The following EIF4H variants were observed in gnomAD, a reference collection of about 807,000 sequenced individuals.
EIF4H encodes the protein eukaryotic translation initiation factor 4H, also known as Williams-Beuren syndrome chromosome region 1.
Under a neutral mutation model 30.6 loss-of-function variants are expected in EIF4H, and 8 were observed. That is an observed-to-expected ratio of 0.26 (90% CI 0.15 to 0.47). The LOEUF (loss-of-function observed/expected upper bound fraction) is 0.47. EIF4H is among the 20% of genes least tolerant of loss of function. EIF4H has a pLI of 0.99. For missense variants in EIF4H, 188 were observed against 339.5 expected, an observed-to-expected ratio of 0.55 and a Z score of 3.51; for synonymous variants, 106 against 122.7, an observed-to-expected ratio of 0.86 and a Z score of 0.90.
At chr7:74,183,734 T>G (rs1801016479) in intron 1 of EIF4H, 2 of 152,170 alleles carry the variant, frequency 1.3e-5, no homozygotes, top group South Asian at 4.1e-4. Flanking sequence ...AACAGATCTG[T>G]GTCATCCTAT....
At chr7:74,184,717 GTTTT>G (rs1405039858) in intron 1 of EIF4H, among the ~76,000 whole-genome samples, 2 of 151,594 alleles carry the variant, frequency 1.3e-5, no homozygotes, top group African/African-American at 4.8e-5. Context: ...TTTTGTTTTT[GTTTT>G]TTTGAGATGG....
intron 1 of EIF4H, among the ~76,000 whole-genome samples, chr7:74,175,608 A>G (rs955536425): frequency 2.6e-5 from 4 of 152,264 alleles, no homozygotes; most frequent in Non-Finnish European, 5.9e-5. Flanking sequence ...TCCAAAGAAC[A>G]TTTTATTTGC....
At chr7:74,186,788 A>ATT (rs564794579) in intron 1 of EIF4H, among the ~76,000 whole-genome samples, 37 of 70,086 alleles carry the variant, frequency 5.3e-4, no homozygotes, top group Non-Finnish European at 6.4e-4. Flanking sequence ...ACAAGGAGAA[A>ATT]TTTTTTTTTT....
chr7:74,176,035 G>C lies in EIF4H; in HGVS notation c.59+1593G>C, dbSNP rs115030398. On this transcript the variant is annotated intron_variant, in intron 1 of 6. Transcript: ENST00000265753. ...CCCAGGTGTACTCCAAAAACTGATA[G>C]GAGAGTTTCCTAGGTAGCACTGTGC... Among the ~76,000 whole-genome samples, 498 of 152,196 alleles carry C rather than the reference G, an allele frequency of 3.3e-3. 6 individuals are homozygous for C. Among genetic ancestry groups the C allele is most frequent in the African/African-American group, 0.01 (419 of 41,508 alleles).
At chr7:74,194,676 TTATTC>T (rs1801299963) in intron 5 of EIF4H, 60 bp from the exon 6 acceptor site, 2 of 1,479,298 alleles carry the variant, frequency 1.4e-6, no homozygotes, top group Non-Finnish European at 1.8e-6. Context: ...TCCCAGAACA[TTATTC>T]TATAAGCAGC....
At chr7:74,181,979 T>A (rs1800972920) in intron 1 of EIF4H, among the ~76,000 whole-genome samples, 2 of 152,144 alleles carry the variant, frequency 1.3e-5, no homozygotes, top group Admixed American at 1.3e-4. Context: ...CCTCCCAAAG[T>A]GCTGGGATTA....
At chr7:74,186,929 G>T (rs1801097563) in intron 1 of EIF4H, among the ~76,000 whole-genome samples, 1 of 147,752 alleles carries the variant, frequency 6.8e-6, no homozygotes, top group Admixed American at 7.0e-5. Context: ...AGCGGTAGGA[G>T]AAATAATTCT....
chr7:74,192,377 G>A (rs1554710086), intron 5 of EIF4H, among the ~76,000 whole-genome samples: 1 of 152,142 alleles, frequency 6.6e-6, no homozygotes, highest in Admixed American at 6.6e-5. Context: ...CTAAAGCAGT[G>A]CTCTTATTGG....
At chr7:74,187,475 C>T in intron 1 of EIF4H, 136 bp from the exon 2 acceptor site, 1 of 867,154 alleles carries the variant, frequency 1.2e-6, no homozygotes, top group Non-Finnish European at 1.6e-6. Flanking sequence ...CAGCCATTCT[C>T]TGTAACAGTC....
In EIF4H at chr7:74,191,136, ACT is replaced by A. The variant is rs1289893233; in HGVS notation, c.469+832_469+833del. ...TCTTGTGAGTCTGAGATTTTTAAAA[ACT>A]CAGCTTTGGCTGAACAGGTGACGAC... is the stretch of plus-strand genomic sequence containing the variant. On this transcript the variant is annotated intron_variant, in intron 5 of 6. Coordinates refer to ENST00000265753, the MANE Select transcript of EIF4H (RefSeq NM_022170.2). 5.7e-6 allele frequency: 3 copies of A among 529,568 alleles called. No individual in the cohort carries two copies. The East Asian group carries it at 1.6e-4, about 29-fold the overall frequency. The allele number at this position is 529,568 out of a possible 1,614,324, so 32.8% of individuals were successfully genotyped here. A position where few individuals can be genotyped will look rare whatever the true frequency, so the allele number is the denominator to read the frequency against.
rs557645944 is a variant in EIF4H at position 74,195,337 on chromosome 7, G to A, written c.*29G>A. ...TGCGGTTGGGAGGGAATGGGGCGTGGGGGGTTAGAGCAGGACCACAGCCTG... is the reference window on the plus strand; with the variant it reads ...TGCGGTTGGGAGGGAATGGGGCGTGAGGGGTTAGAGCAGGACCACAGCCTG... On this transcript the variant is annotated 3_prime_UTR_variant, in exon 7 of 7. Transcript: ENST00000265753. 2 of 1,605,792 alleles carry A rather than the reference G, an allele frequency of 1.2e-6. No individual in the cohort carries two copies. Among genetic ancestry groups the A allele is most frequent in the Admixed American group, 1.7e-5 (1 of 59,586 alleles).
intron 5 of EIF4H, 69 bp downstream of exon 5, chr7:74,190,375 G>A (rs958674517): frequency 9.2e-5 from 138 of 1,492,760 alleles, no homozygotes; most frequent in South Asian, 3.4e-5. Context: ...TGTTTCTTAC[G>A]AGTAGCCCGC....
intron 1 of EIF4H, among the ~76,000 whole-genome samples, chr7:74,174,684 AAC>A (rs1174944630): frequency 1.0e-5 from 1 of 97,268 alleles, no homozygotes; most frequent in Non-Finnish European, 2.6e-5. Context: ...CGCCAACGAC[AAC>A]GTGTTGGTTT....
chr7:74,181,091 TA>T (rs1357979557), intron 1 of EIF4H, among the ~76,000 whole-genome samples: 1 of 152,146 alleles, frequency 6.6e-6, no homozygotes, highest in East Asian at 1.9e-4. Context: ...TAGTGTTGTG[TA>T]ACCATTGCCA....
chr7:74,194,893 G>A lies in EIF4H; in HGVS notation c.607+15G>A. 1 of 1,578,386 alleles carries A rather than the reference G, an allele frequency of 6.3e-7. No homozygotes were observed. On this transcript the variant is annotated intron_variant, in intron 6 of 6. Coordinates refer to ENST00000265753, the MANE Select transcript of EIF4H (RefSeq NM_022170.2). ...ACCCACAGAAGGTACGGGCTCATGT[G>A]TCAGTGGAGGGCATCTTGTCCTGAT...
intron 1 of EIF4H, among the ~76,000 whole-genome samples, chr7:74,181,640 C>T (rs751570803): frequency 3.9e-5 from 6 of 151,990 alleles, no homozygotes; most frequent in Non-Finnish European, 8.8e-5. Context: ...CAGAGGGTTT[C>T]TACATGTTGG....
chr7:74,182,504 G>T (rs1800985490), intron 1 of EIF4H, among the ~76,000 whole-genome samples: 1 of 152,156 alleles, frequency 6.6e-6, no homozygotes, highest in Non-Finnish European at 1.5e-5. Flanking sequence ...CATTTTCTTT[G>T]GTTTACACTA....
chr7:74,183,242 G>T (rs1554708742), intron 1 of EIF4H, among the ~76,000 whole-genome samples: 1 of 152,122 alleles, frequency 6.6e-6, no homozygotes, highest in African/African-American at 2.4e-5. Flanking sequence ...TCCCTAATGG[G>T]CAGTAGAAAG....
chr7:74,184,869 C>T (rs1190051682), intron 1 of EIF4H, among the ~76,000 whole-genome samples: 4 of 151,966 alleles, frequency 2.6e-5, no homozygotes, highest in Non-Finnish European at 4.4e-5. Context: ...TTAGTAGAGA[C>T]GGAGTTTTAC....
Sources: allele counts gnomAD v4.1 joint callset (sites outside exome capture counted in the v4.1 genomes callset), GRCh38; gene constraint gnomAD v4.1.1; transcripts MANE v1.5; gene names NCBI Gene and HGNC (gene_info 2026-07-23, HGNC 2026-07-21).